Variants in PTPRD observed in about 807,000 individuals in gnomAD.
PTPRD encodes the protein receptor-type tyrosine-protein phosphatase delta.
A neutral mutation model predicts 214.5 loss-of-function variants in PTPRD; 34 were observed. The observed-to-expected ratio is 0.16, with a 90% confidence interval of 0.12 to 0.21. PTPRD has a LOEUF of 0.21. PTPRD is among the 10% of genes least tolerant of loss of function. The probability of loss-of-function intolerance (pLI) is 1.00; values close to 1 mark genes in which losing one functional copy is unlikely to be tolerated. For synonymous variants in PTPRD, 1,128 were observed against 845.7 expected, an observed-to-expected ratio of 1.33 and a Z score of -5.79; for missense variants, 2,545 against 2,398.7, an observed-to-expected ratio of 1.06 and a Z score of -1.27.
intron 4 of PTPRD, among the ~76,000 whole-genome samples, chr9:9,965,784 T>C (rs149061107): frequency 2.4e-4 from 37 of 152,302 alleles, no homozygotes; most frequent in African/African-American, 8.7e-4. Context: ...ACAGTACTTA[T>C]GCTACATTGT....
At position 9,806,610 on chromosome 9, in the gene PTPRD, C is replaced by A. The variant is rs113969007; in HGVS notation, c.-367-39759G>T. ...GTAAGAACCAATGATAATCCCACCACCCTTTACTGACTCCTTTCTCAGACT... is the reference window on the plus strand; with the variant it reads ...GTAAGAACCAATGATAATCCCACCAACCTTTACTGACTCCTTTCTCAGACT... On this transcript the variant is annotated intron_variant, in intron 5 of 45. Transcript: ENST00000381196. Among the ~76,000 whole-genome samples the A allele has an allele frequency of 5.2e-3, 788 of 152,236 alleles. 5 individuals carry two copies. Among genetic ancestry groups the A allele is most frequent in the African/African-American group, 0.017 (727 of 41,548 alleles).
intron 33 of PTPRD, among the ~76,000 whole-genome samples, chr9:8,459,381 G>A (rs930884979): frequency 1.3e-5 from 2 of 151,922 alleles, no homozygotes; most frequent in Non-Finnish European, 2.9e-5. Context: ...CAAGGAAAAC[G>A]AGAACATGGA....
At chr9:10,139,764 A>T (rs1326407007) in intron 3 of PTPRD, among the ~76,000 whole-genome samples, 1 of 152,084 alleles carries the variant, frequency 6.6e-6, no homozygotes, top group African/African-American at 2.4e-5. Flanking sequence ...ATCTTCAGGA[A>T]AGTGAACAAA....
At chr9:8,502,877 T>C (rs941704533) in intron 23 of PTPRD, among the ~76,000 whole-genome samples, 2 of 149,836 alleles carry the variant, frequency 1.3e-5, no homozygotes, top group African/African-American at 4.9e-5. Context: ...CACACACACA[T>C]ATGTTAAAAA....
intron 3 of PTPRD, among the ~76,000 whole-genome samples, chr9:10,104,464 T>C (rs956893484): frequency 1.3e-5 from 2 of 151,732 alleles, no homozygotes; most frequent in Non-Finnish European, 2.9e-5. Context: ...ATAGAAATCA[T>C]AAATTTTATC....
intron 8 of PTPRD, among the ~76,000 whole-genome samples, chr9:9,438,824 G>A (rs185617685): frequency 1.2e-4 from 19 of 152,196 alleles, no homozygotes; most frequent in Admixed American, 2.0e-4. Flanking sequence ...AAGTATAAAT[G>A]CAATATTCTA....
chr9:10,141,120 A>G (rs1162277084), intron 3 of PTPRD, among the ~76,000 whole-genome samples: 1 of 152,168 alleles, frequency 6.6e-6, no homozygotes, highest in Admixed American at 6.6e-5. Context: ...AGAGCTATCT[A>G]TGACAAACCC....
chr9:9,740,265 A>G (rs2098379837), intron 6 of PTPRD, among the ~76,000 whole-genome samples: 1 of 152,110 alleles, frequency 6.6e-6, no homozygotes, highest in African/African-American at 2.4e-5. Context: ...CTTGTTATGC[A>G]TATTAGCCAT....
At chr9:10,429,619 T>TA (rs35678654) in intron 2 of PTPRD, among the ~76,000 whole-genome samples, 2 of 151,388 alleles carry the variant, frequency 1.3e-5, no homozygotes, top group Non-Finnish European at 2.9e-5. Context: ...AAGTGAGGGA[T>TA]AAAAAATGTG....
At chr9:10,042,687 G>C (rs1247035245) in intron 3 of PTPRD, among the ~76,000 whole-genome samples, 1 of 151,892 alleles carries the variant, frequency 6.6e-6, no homozygotes, top group Non-Finnish European at 1.5e-5. Context: ...CACCAGATGA[G>C]GGAGATGCAA....
At chr9:9,809,052 C>T (rs2153534672) in intron 5 of PTPRD, among the ~76,000 whole-genome samples, 1 of 151,758 alleles carries the variant, frequency 6.6e-6, no homozygotes, top group South Asian at 2.1e-4. Flanking sequence ...TCACAGAGAC[C>T]TAGGATTACA....
intron 3 of PTPRD, among the ~76,000 whole-genome samples, chr9:10,255,672 T>A (rs1484990035): frequency 6.6e-6 from 1 of 152,240 alleles, no homozygotes; most frequent in Non-Finnish European, 1.5e-5. Flanking sequence ...TTTTTGACTT[T>A]ATAAACTTTT....
intron 4 of PTPRD, among the ~76,000 whole-genome samples, chr9:9,943,542 G>A (rs1419760641): frequency 9.2e-5 from 14 of 152,218 alleles, no homozygotes; most frequent in African/African-American, 2.6e-4. Flanking sequence ...CTAGTTGGAG[G>A]AGACAATGAA....
At chr9:9,302,609 T>C (rs916809857) in intron 9 of PTPRD, among the ~76,000 whole-genome samples, 1 of 148,680 alleles carries the variant, frequency 6.7e-6, no homozygotes, top group Non-Finnish European at 1.5e-5. Context: ...TTCTTTTTTT[T>C]TTTTTTTTGT....
intron 5 of PTPRD, among the ~76,000 whole-genome samples, chr9:9,859,976 C>G (rs1446786744): frequency 6.6e-6 from 1 of 152,164 alleles, no homozygotes; most frequent in Admixed American, 6.5e-5. Flanking sequence ...ATCACAAGAT[C>G]TCTAACAACA....
intron 3 of PTPRD, among the ~76,000 whole-genome samples, chr9:10,101,696 T>C (rs1296777580): frequency 1.3e-5 from 2 of 151,676 alleles, no homozygotes; most frequent in Non-Finnish European, 3.0e-5. Flanking sequence ...AACAACCACA[T>C]ACAAATAAAA....
At chr9:9,375,693 G>A (rs776315747) in intron 9 of PTPRD, among the ~76,000 whole-genome samples, 48 of 152,074 alleles carry the variant, frequency 3.2e-4, no homozygotes, top group Non-Finnish European at 1.3e-4. Context: ...AAATAAGTCA[G>A]AAAACAAAGA....
At chr9:8,411,293 T>A (rs529486920) in intron 35 of PTPRD, among the ~76,000 whole-genome samples, 180 of 151,272 alleles carry the variant, frequency 1.2e-3, no homozygotes, top group Middle Eastern at 3.4e-3. Context: ...TAAAATTTTT[T>A]ATTTATCTTT....
chr9:10,295,679 T>C (rs1279592920), intron 3 of PTPRD, among the ~76,000 whole-genome samples: 3 of 152,056 alleles, frequency 2.0e-5, no homozygotes, highest in African/African-American at 7.2e-5. Flanking sequence ...AATATGCTAC[T>C]TTACATGGCA....
Sources: allele counts gnomAD v4.1 joint callset (sites outside exome capture counted in the v4.1 genomes callset), GRCh38; gene constraint gnomAD v4.1.1; transcripts MANE v1.5; gene names NCBI Gene and HGNC (gene_info 2026-07-23, HGNC 2026-07-21).